The following SGTB variants were observed in gnomAD, a reference collection of about 807,000 sequenced individuals.
The protein encoded by SGTB is small glutamine rich tetratricopeptide repeat co-chaperone beta.
Under a neutral mutation model 43.9 loss-of-function variants are expected in SGTB, and 19 were observed. That is an observed-to-expected ratio of 0.43 (90% CI 0.30 to 0.63). The LOEUF (loss-of-function observed/expected upper bound fraction) is 0.63, where lower values mean the gene tolerates loss of function less well. Ranked by LOEUF, SGTB falls within the 30% of genes least tolerant of loss-of-function variation. The pLI, the probability that SGTB is intolerant of heterozygous loss-of-function variation, is 0.12. For missense variants in SGTB, 304 were observed against 358.9 expected (o/e 0.85, Z 1.24); for synonymous variants, 116 against 117.3 (o/e 0.99, Z 0.07).
intron 10 of SGTB, 69 bp downstream of exon 10, chr5:65,671,846 C>A: frequency 1.4e-6 from 2 of 1,394,824 alleles, no homozygotes; most frequent in South Asian, 1.2e-5. Context: ...AGCCCTGACC[C>A]CTCACCATAG....
At chr5:65,679,945 A>C (rs1261503444) in intron 8 of SGTB, among the ~76,000 whole-genome samples, 1 of 152,242 alleles carries the variant, frequency 6.6e-6, no homozygotes, top group African/African-American at 2.4e-5. Context: ...TGGATAAAGA[A>C]AATGCGGTAC....
At chr5:65,683,094 A>C (rs1299473798) in intron 6 of SGTB, among the ~76,000 whole-genome samples, 1 of 152,080 alleles carries the variant, frequency 6.6e-6, no homozygotes, top group Non-Finnish European at 1.5e-5. Flanking sequence ...CTTGTCTCAT[A>C]AATATATTTT....
intron 5 of SGTB, among the ~76,000 whole-genome samples, chr5:65,704,049 A>AAT (rs367586277): frequency 0.13 from 18,539 of 137,508 alleles, 1,487 homozygotes; most frequent in South Asian, 0.19. Flanking sequence ...AAAAAAAAAA[A>AAT]AAATAAATAA....
intron 8 of SGTB, among the ~76,000 whole-genome samples, chr5:65,673,877 A>T (rs1757211863): frequency 6.6e-6 from 1 of 152,066 alleles, no homozygotes; most frequent in African/African-American, 2.4e-5. Context: ...GCTGGTCTGG[A>T]ACTCCTGACC....
intron 8 of SGTB, among the ~76,000 whole-genome samples, chr5:65,673,844 C>T (rs41352): frequency 0.29 from 44,396 of 151,812 alleles, 6,691 homozygotes; most frequent in Middle Eastern, 0.33. Context: ...TTAGTAGAGA[C>T]GGGGTTTCGC....
rs1028912672 is a variant in SGTB, at chr5:65,670,153, G to A, written c.*93C>T. The A allele has an allele frequency of 3.7e-6, 4 of 1,080,608 alleles. No homozygotes were observed. In the African/African-American group the frequency reaches 6.3e-5, roughly 17 times the overall value. 66.9% of individuals were successfully genotyped at this position (1,080,608 alleles called of 1,614,324 possible). ...TTTCACACATCAGATATGGTGTTTG[G>A]TTTTTTGAAGGAGGGAGGGGGTACT... On this transcript the variant is annotated 3_prime_UTR_variant, in exon 11 of 11. Coordinates refer to ENST00000381007, the MANE Select transcript of SGTB (RefSeq NM_019072.3).
At chr5:65,679,415 T>G (rs1449402234) in intron 8 of SGTB, among the ~76,000 whole-genome samples, 3 of 151,994 alleles carry the variant, frequency 2.0e-5, no homozygotes, top group African/African-American at 7.2e-5. Flanking sequence ...CAGAGGTCAT[T>G]TGACTAGCCT....
At chr5:65,680,838 A>G in intron 6 of SGTB, 44 bp from the exon 7 acceptor site, 1 of 1,583,590 alleles carries the variant, frequency 6.3e-7, no homozygotes. Flanking sequence ...ATGATTAAAG[A>G]ACATCAGGAC....
intron 6 of SGTB, among the ~76,000 whole-genome samples, chr5:65,683,285 C>T (rs1757434293): frequency 6.6e-6 from 1 of 152,152 alleles, no homozygotes; most frequent in Non-Finnish European, 1.5e-5. Context: ...AGAGCATCAC[C>T]TTATTCACCC....
upstream of SGTB, chr5:65,722,446 T>TG (rs772892938): frequency 6.4e-7 from 1 of 1,562,772 alleles, no homozygotes; most frequent in East Asian, 2.5e-5. Flanking sequence ...ACCTTGGCCG[T>TG]GGGCAGGGCG....
At chr5:65,705,427 T>A (rs939685258) in intron 4 of SGTB, among the ~76,000 whole-genome samples, 1 of 151,978 alleles carries the variant, frequency 6.6e-6, no homozygotes, top group African/African-American at 2.4e-5. Context: ...CATTCCAGCA[T>A]GGGTGACAGA....
chr5:65,698,142 T>C (rs1425691768), intron 5 of SGTB, among the ~76,000 whole-genome samples: 1 of 152,200 alleles, frequency 6.6e-6, no homozygotes, highest in Admixed American at 6.5e-5. Context: ...GCTAGGATGG[T>C]AATTTTCAAT....
At chr5:65,716,369 C>T (rs1758150184) in intron 2 of SGTB, among the ~76,000 whole-genome samples, 1 of 152,300 alleles carries the variant, frequency 6.6e-6, no homozygotes, top group African/African-American at 2.4e-5. Context: ...CTCACATACT[C>T]TGTTTGTAAA....
At chr5:65,720,924 AT>A (rs1248932600) in intron 1 of SGTB, 95 bp from the exon 2 acceptor site, 2 of 1,317,452 alleles carry the variant, frequency 1.5e-6, no homozygotes, top group Non-Finnish European at 2.0e-6. Context: ...TATAAAGTGT[AT>A]TAAAGGTAAA....
chr5:65,685,493 T>C, intron 5 of SGTB, 21 bp from the exon 6 acceptor site: 1 of 1,609,244 alleles, frequency 6.2e-7, no homozygotes, highest in Middle Eastern at 1.7e-4. Context: ...GAAAACAGAA[T>C]TTTATTAAAG....
rs1334279561 is a variant in SGTB at position 65,680,396 on chromosome 5, C to G, written c.681+98G>C. 7.2e-6 allele frequency: 9 copies of G among 1,246,896 alleles called. No homozygotes were observed. In the African/African-American group the frequency reaches 1.4e-4, roughly 19 times the overall value. The allele number at this position is 1,246,896 out of a possible 1,614,324, so 77.2% of individuals were successfully genotyped here. A position where few individuals can be genotyped will look rare whatever the true frequency, so the allele number is the denominator to read the frequency against. Reference sequence around the variant, plus strand: ...CCTTATATCAATACTCCACTACAACCACCACCACAAAAACTCACTTGTTTC... The same window carrying G: ...CCTTATATCAATACTCCACTACAACGACCACCACAAAAACTCACTTGTTTC... On this transcript the variant is annotated intron_variant, in intron 8 of 10. Coordinates refer to ENST00000381007, the MANE Select transcript of SGTB (RefSeq NM_019072.3).
intron 2 of SGTB, among the ~76,000 whole-genome samples, chr5:65,715,731 T>C (rs963836182): frequency 1.3e-5 from 2 of 152,216 alleles, no homozygotes; most frequent in African/African-American, 4.8e-5. Context: ...ATGGAGAGTG[T>C]GGGCAGCTGA....
At chr5:65,681,581 CT>C (rs1757398269) in intron 6 of SGTB, among the ~76,000 whole-genome samples, 1 of 152,066 alleles carries the variant, frequency 6.6e-6, no homozygotes, top group South Asian at 2.1e-4. Context: ...ATGTATGATA[CT>C]TTATCAGAGT....
rs1757073014 is a variant in SGTB at position 65,667,949 on chromosome 5, T to C, written c.*2297A>G. On this transcript the variant is annotated 3_prime_UTR_variant, in exon 11 of 11. Coordinates refer to ENST00000381007, the MANE Select transcript of SGTB (RefSeq NM_019072.3). Reference sequence around the variant, plus strand: ...CAAAATAATTAGTCTCTTAGTCTCTTTTTCTTTTTTTTTTTTTTTTTGAAA... The same window carrying C: ...CAAAATAATTAGTCTCTTAGTCTCTCTTTCTTTTTTTTTTTTTTTTTGAAA... 1 of 134,880 alleles carries C rather than the reference T, an allele frequency of 7.4e-6. No individual in the cohort carries two copies. The highest frequency in any genetic ancestry group is 2.6e-5 in the African/African-American group (1 of 37,736). 8.4% of individuals were successfully genotyped at this position (134,880 alleles called of 1,614,324 possible). A position where few individuals can be genotyped will look rare whatever the true frequency, so the allele number is the denominator to read the frequency against.
Sources: gnomAD v4.1 joint callset for allele counts (sites outside exome capture counted in the v4.1 genomes callset) on GRCh38, gnomAD v4.1.1 for gene constraint, MANE v1.5 for transcripts, NCBI Gene and HGNC (gene_info 2026-07-23, HGNC 2026-07-21) for gene names.